Variants in FALEC observed in about 807,000 individuals in gnomAD.
The protein encoded by FALEC is focally amplified lncRNA regulator of ECM1.
At chr1:150,519,683 C>T (rs1039041274), downstream of FALEC, among the ~76,000 whole-genome samples, 30 of 151,674 alleles carry the variant, frequency 2.0e-4, no homozygotes, top group African/African-American at 6.1e-4. Flanking sequence ...GGTGAAACCC[C>T]GTCTCTACTG....
the FALEC span, among the ~76,000 whole-genome samples, chr1:150,528,053 G>A: frequency 6.6e-6 from 1 of 152,002 alleles, no homozygotes; most frequent in Non-Finnish European, 1.5e-5. Flanking sequence ...GTCAATCATG[G>A]TAACCCTCTT....
At chr1:150,517,126 C>T (rs1670578562) in intron 1 of FALEC, among the ~76,000 whole-genome samples, 1 of 151,918 alleles carries the variant, frequency 6.6e-6, no homozygotes, top group East Asian at 1.9e-4. Context: ...TGGTGAAAGC[C>T]GTCCCTACTA....
chr1:150,529,759 G>A, the FALEC span, among the ~76,000 whole-genome samples: 2 of 151,894 alleles, frequency 1.3e-5, no homozygotes, highest in African/African-American at 2.4e-5. Flanking sequence ...CACCACGCCC[G>A]GCTAATTTTT....
the FALEC span, among the ~76,000 whole-genome samples, chr1:150,530,737 G>A: frequency 3.9e-5 from 6 of 152,210 alleles, no homozygotes; most frequent in African/African-American, 1.4e-4. Flanking sequence ...ACGGAGGCCC[G>A]CAACACCCGC....
chr1:150,518,547 G>T (rs1670600766), downstream of FALEC, among the ~76,000 whole-genome samples: 1 of 151,582 alleles, frequency 6.6e-6, no homozygotes, highest in Admixed American at 6.6e-5. Context: ...ACCACGCCCG[G>T]TTCATTTTGC....
exon 2 of FALEC, chr1:150,517,906 A>G (rs1482713913): frequency 1.3e-5 from 2 of 152,228 alleles, no homozygotes; most frequent in Admixed American, 6.5e-5. Context: ...GAAGGTGTCA[A>G]AAGTCAAATT....
the FALEC span, among the ~76,000 whole-genome samples, chr1:150,536,400 C>G: frequency 5.9e-5 from 9 of 152,328 alleles, no homozygotes; most frequent in East Asian, 1.7e-3. Flanking sequence ...GACCTGGAAT[C>G]TAACCCTGTG....
At chr1:150,518,151 G>A (rs1303570899), downstream of FALEC, 1 of 152,116 alleles carries the variant, frequency 6.6e-6, no homozygotes, top group African/African-American at 2.4e-5. Context: ...TGTACAATCT[G>A]TCAGTTTTTC....
chr1:150,525,944 G>A, the FALEC span, among the ~76,000 whole-genome samples: 3 of 152,136 alleles, frequency 2.0e-5, no homozygotes, highest in Admixed American at 6.6e-5. Context: ...GCCCAGCCAT[G>A]TACGTTTTAT....
At chr1:150,522,361 G>A (rs755293845), downstream of FALEC, among the ~76,000 whole-genome samples, 4 of 151,844 alleles carry the variant, frequency 2.6e-5, no homozygotes, top group Non-Finnish European at 5.9e-5. Flanking sequence ...GGTGGCTCAC[G>A]CCTGTAATCC....
At chr1:150,527,043 C>A in the FALEC span, among the ~76,000 whole-genome samples, 1 of 151,432 alleles carries the variant, frequency 6.6e-6, no homozygotes, top group Non-Finnish European at 1.5e-5. Flanking sequence ...TCAAGCAATT[C>A]TCCTGTCTCA....
downstream of FALEC, among the ~76,000 whole-genome samples, chr1:150,522,941 G>A (rs1162518175): frequency 3.8e-3 from 14 of 3,694 alleles, no homozygotes; most frequent in South Asian, 8.5e-3. Flanking sequence ...ATATGTGTGT[G>A]TGTGTGTGTA....
the FALEC span, among the ~76,000 whole-genome samples, chr1:150,529,698 C>T: frequency 6.6e-6 from 1 of 151,878 alleles, no homozygotes; most frequent in Non-Finnish European, 1.5e-5. Flanking sequence ...CCCGGGTTCA[C>T]GCCATTCTCC....
chr1:150,523,396 G>A, the FALEC span, among the ~76,000 whole-genome samples: 1 of 151,672 alleles, frequency 6.6e-6, no homozygotes, highest in South Asian at 2.1e-4. Flanking sequence ...GCTCATGCCT[G>A]TAATCCTAGC....
At chr1:150,522,914 C>CGTGT (rs1553907942), downstream of FALEC, among the ~76,000 whole-genome samples, 9 of 58,774 alleles carry the variant, frequency 1.5e-4, no homozygotes, top group African/African-American at 8.1e-4. Context: ...CATATATATA[C>CGTGT]ATATATATAT....
At chr1:150,528,073 C>G in the FALEC span, among the ~76,000 whole-genome samples, 1 of 152,062 alleles carries the variant, frequency 6.6e-6, no homozygotes, top group Non-Finnish European at 1.5e-5. Flanking sequence ...TCCTCTTCGC[C>G]TATCCGGGGT....
chr1:150,526,349 CA>C, the FALEC span, among the ~76,000 whole-genome samples: 2,743 of 61,778 alleles, frequency 0.044, 20 homozygotes, highest in Middle Eastern at 0.11. Context: ...AACTCCGTCT[CA>C]AAAAAAAAAA....
chr1:150,529,057 C>A, the FALEC span, among the ~76,000 whole-genome samples: 1 of 121,884 alleles, frequency 8.2e-6, no homozygotes. Flanking sequence ...ATCTAGAGCA[C>A]AGGTGGAGGG....
downstream of FALEC, among the ~76,000 whole-genome samples, chr1:150,522,485 TAGC>T: frequency 2.0e-5 from 3 of 151,694 alleles, no homozygotes; most frequent in South Asian, 6.2e-4. Flanking sequence ...TAGCTGGGCA[TAGC>T]GGTGCATGCC....
Sources: gnomAD v4.1 joint callset for allele counts (sites outside exome capture counted in the v4.1 genomes callset) on GRCh38, gnomAD v4.1.1 for gene constraint, MANE v1.5 for transcripts, NCBI Gene and HGNC (gene_info 2026-07-23, HGNC 2026-07-21) for gene names.